Variants in MMP17 observed in about 807,000 individuals in gnomAD.
MMP17 encodes the protein matrix metallopeptidase 17.
MMP17 carries 54 observed loss-of-function variants against 49.1 expected under a neutral mutation model. That is an observed-to-expected ratio of 1.10 (90% CI 0.88 to 1.38). The LOEUF is 1.38. MMP17 is among the 40% of genes most tolerant of loss of function. The pLI, the probability that MMP17 is intolerant of heterozygous loss-of-function variation, is 0.00. For missense variants in MMP17, 837 were observed against 853.7 expected, an observed-to-expected ratio of 0.98 and a Z score of 0.24; for synonymous variants, 397 against 383.1, an observed-to-expected ratio of 1.04 and a Z score of -0.42.
chr12:131,843,943 G>A, intron 5 of MMP17, 54 bp from the exon 6 acceptor site: 5 of 1,313,916 alleles, frequency 3.8e-6, no homozygotes, highest in East Asian at 5.2e-5. Context: ...GGTGGGATGT[G>A]GGGGGAGGCG....
At chr12:131,841,548 T>C in intron 4 of MMP17, 76 bp from the exon 5 acceptor site, 1 of 1,482,476 alleles carries the variant, frequency 6.7e-7, no homozygotes, top group South Asian at 1.2e-5. Context: ...CAGAGCATGG[T>C]GGGGGCCTGC....
In MMP17 at chr12:131,850,016, G is replaced by A; in HGVS notation, c.1419G>A (p.Arg473=). ...PGYPAQSPLW[R]GVPSTLDDAM... ...ACCCCGCCCAGAGCCCCCTGTGGAG[G>A]GGTGTCCCCAGCACGCTGGACGACG... The change falls in exon 9 of 10, where the codon AGG becomes AGA. Residue 473 remains arginine (R), a synonymous_variant. Coordinates refer to ENST00000360564, the MANE Select transcript of MMP17 (RefSeq NM_016155.7). 1 of 1,613,432 alleles carries A rather than the reference G, an allele frequency of 6.2e-7. No individual in the cohort carries two copies. The highest frequency in any genetic ancestry group is 8.5e-7 in the Non-Finnish European group (1 of 1,179,874).
chr12:131,829,659 C>T (rs1262247813), intron 1 of MMP17, among the ~76,000 whole-genome samples: 4 of 152,244 alleles, frequency 2.6e-5, no homozygotes. Flanking sequence ...CCTCGCCCAG[C>T]GCAGTGGACA....
In MMP17 at chr12:131,851,361, G is replaced by C. The variant is rs1188894827; in HGVS notation, c.*87G>C. On this transcript the variant is annotated 3_prime_UTR_variant, in exon 10 of 10. Coordinates refer to ENST00000360564, the MANE Select transcript of MMP17 (RefSeq NM_016155.7). ...GACTGTGCCGGAGTCCCTGGGGGAGGTGCTGGCGCGGGATGAGGACGGGCC... is the reference window on the plus strand; with the variant it reads ...GACTGTGCCGGAGTCCCTGGGGGAGCTGCTGGCGCGGGATGAGGACGGGCC... The C allele has an allele frequency of 7.4e-6, 9 of 1,213,400 alleles. No homozygotes were observed. The highest frequency in any genetic ancestry group is 9.5e-6 in the Non-Finnish European group (9 of 946,376). The allele number at this position is 1,213,400 out of a possible 1,614,324, so 75.2% of individuals were successfully genotyped here. A position where few individuals can be genotyped will look rare whatever the true frequency, so the allele number is the denominator to read the frequency against.
chr12:131,841,058 G>A lies in MMP17; in HGVS notation c.706+202G>A, dbSNP rs558078143. On this transcript the variant is annotated intron_variant, in intron 4 of 9. Transcript: ENST00000360564. ...TGACCTCGCTGGGTGCTGGCCTGTC[G>A]GGCAGGGACACCGCTGGCTGAGCCG... is the stretch of plus-strand genomic sequence containing the variant. 1.1e-4 allele frequency among the ~76,000 whole-genome samples: 17 copies of A among 152,356 alleles called. No individual in the cohort carries two copies. In the East Asian group the frequency reaches 2.3e-3, roughly 21 times the overall value.
At chr12:131,840,451 C>T (rs1474598849) in intron 3 of MMP17, 122 bp from the exon 4 acceptor site, 11 of 1,031,292 alleles carry the variant, frequency 1.1e-5, no homozygotes, top group South Asian at 3.2e-5. Context: ...GGGAGGAAGG[C>T]GGAAGATGGG....
At chr12:131,845,616 T>C (rs1307080325) in intron 8 of MMP17, among the ~76,000 whole-genome samples, 167 bp downstream of exon 8, 2 of 152,192 alleles carry the variant, frequency 1.3e-5, no homozygotes, top group Non-Finnish European at 1.5e-5. Context: ...TCTGAGCACC[T>C]ACTGTATGCC....
intron 9 of MMP17, 35 bp downstream of exon 9, chr12:131,850,094 T>C (rs1351370277): frequency 6.4e-7 from 1 of 1,568,338 alleles, no homozygotes; most frequent in African/African-American, 1.4e-5. Flanking sequence ...CCATGCGGCC[T>C]TGGTTTCCCC....
In MMP17 at chr12:131,851,119, C is replaced by T. The variant is rs201041842; in HGVS notation, c.1657C>T (p.Arg553Cys). ...CCCTCCAGGACAACATGACCAGAGCCGCTCGGAGGACGGTTACGAGGTCTG... is the reference window on the plus strand; with the variant it reads ...CCCTCCAGGACAACATGACCAGAGCTGCTCGGAGGACGGTTACGAGGTCTG... Reference protein sequence around the residue: ...RAPPGQHDQSRSEDGYEVCSC... With the variant: ...RAPPGQHDQSCSEDGYEVCSC... The change falls in exon 10 of 10, where the codon CGC (arginine) becomes TGC (cysteine). Residue 553 changes from arginine (R) to cysteine (C), a missense_variant. Transcript: ENST00000360564. The T allele has an allele frequency of 9.4e-4, 1,497 of 1,590,478 alleles. 1 individual carries two copies. The highest frequency in any genetic ancestry group is 1.2e-3 in the Non-Finnish European group (1,408 of 1,169,242).
chr12:131,848,561 G>A (rs1034671410), intron 8 of MMP17, among the ~76,000 whole-genome samples: 4 of 152,324 alleles, frequency 2.6e-5, no homozygotes, highest in Non-Finnish European at 4.4e-5. Context: ...CGTGAAACAC[G>A]GATGCCCCGC....
rs766543538 is a variant in MMP17, at chr12:131,840,744, C to A, written c.594C>A (p.Tyr198Ter). The A allele has an allele frequency of 1.9e-6, 3 of 1,604,424 alleles. No homozygotes were observed. Among genetic ancestry groups the A allele is most frequent in the South Asian group, 1.1e-5 (1 of 91,088 alleles). The change falls in exon 4 of 10, where the codon TAC becomes TAA. Residue 198 changes from tyrosine (Y) to a stop codon, truncating the protein, a stop_gained. Coordinates refer to ENST00000360564, the MANE Select transcript of MMP17 (RefSeq NM_016155.7). LOFTEE classifies it high-confidence loss of function. Reference protein sequence around the residue: ...DFSKADHNDGYPFDGPGGTVA... With the variant: ...DFSKADHNDG Reference sequence around the variant, plus strand: ...CCAAGGCCGACCATAACGACGGCTACCCCTTCGACGGCCCCGGCGGCACCG... The same window carrying A: ...CCAAGGCCGACCATAACGACGGCTAACCCTTCGACGGCCCCGGCGGCACCG...
At chr12:131,836,601 T>C (rs1277344434) in intron 1 of MMP17, among the ~76,000 whole-genome samples, 1 of 151,856 alleles carries the variant, frequency 6.6e-6, no homozygotes, top group African/African-American at 2.4e-5. Flanking sequence ...ATGGGCACTT[T>C]CATATGATTT....
rs1047957612 is a variant in MMP17, at chr12:131,840,480, A to G, written c.423-93A>G. ...AGATGGGGGAGACCCTCATAGGGGC[A>G]CCCCCGGGCTGAGGAGGGGCGTTCA... On this transcript the variant is annotated intron_variant, in intron 3 of 9. Coordinates refer to ENST00000360564, the MANE Select transcript of MMP17 (RefSeq NM_016155.7). The G allele has an allele frequency of 3.7e-6, 5 of 1,367,442 alleles. 1 individual carries two copies. The highest frequency in any genetic ancestry group is 4.9e-6 in the Non-Finnish European group (5 of 1,010,378). The allele number at this position is 1,367,442 out of a possible 1,614,324, so 84.7% of individuals were successfully genotyped here.
intron 1 of MMP17, among the ~76,000 whole-genome samples, chr12:131,836,468 T>C (rs1231273859): frequency 1.5e-5 from 2 of 133,570 alleles, no homozygotes; most frequent in Non-Finnish European, 3.4e-5. Context: ...TTTTCTTTTT[T>C]CTTTTTCCTT....
At chr12:131,849,303 G>A (rs1371325676) in intron 8 of MMP17, among the ~76,000 whole-genome samples, 3 of 152,146 alleles carry the variant, frequency 2.0e-5, no homozygotes, top group Non-Finnish European at 4.4e-5. Context: ...GGCCAACATG[G>A]TGAAACCCCG....
chr12:131,844,004 G>T lies in MMP17; in HGVS notation c.891G>T (p.Arg297=). The change falls in exon 6 of 10, where the codon CGG becomes CGT. Residue 297 remains arginine (R), a synonymous_variant. Transcript: ENST00000360564. ...KVRVWQLYGV[R]ESVSPTAQPE... is the part of the protein sequence containing the mutation. ...CCTCCTTGTCTCCCGCAGGTGTGCGGGAGTCTGTGTCTCCCACGGCGCAGC... is the reference window on the plus strand; with the variant it reads ...CCTCCTTGTCTCCCGCAGGTGTGCGTGAGTCTGTGTCTCCCACGGCGCAGC... The T allele has an allele frequency of 1.3e-6, 2 of 1,560,294 alleles. No individual in the cohort carries two copies. The highest frequency in any genetic ancestry group is 8.7e-7 in the Non-Finnish European group (1 of 1,154,068).
chr12:131,851,693 A>C lies in MMP17; in HGVS notation c.*419A>C. On this transcript the variant is annotated 3_prime_UTR_variant, in exon 10 of 10. Transcript: ENST00000360564. ...GGTCCCCAGTGGGGCAGCCCTCCCC[A>C]CAGACGAGCCCCCCACATGGTGCCG... The C allele has an allele frequency of 5.8e-6, 1 of 172,052 alleles. No homozygotes were observed. Among genetic ancestry groups the C allele is most frequent in the Non-Finnish European group, 1.2e-5 (1 of 81,850 alleles). The allele number at this position is 172,052 out of a possible 1,614,324, so 10.7% of individuals were successfully genotyped here.
intron 5 of MMP17, among the ~76,000 whole-genome samples, chr12:131,843,121 G>A (rs1303088191): frequency 2.6e-5 from 4 of 151,436 alleles, no homozygotes; most frequent in Non-Finnish European, 4.4e-5. Flanking sequence ...CCGCCACCAC[G>A]CCCGGCTAAT....
Position 131,851,307 on chromosome 12 carries a change from G to A in MMP17, c.*33G>A, listed in dbSNP as rs571678418. On this transcript the variant is annotated 3_prime_UTR_variant, in exon 10 of 10. Coordinates refer to ENST00000360564, the MANE Select transcript of MMP17 (RefSeq NM_016155.7). Reference sequence around the variant, plus strand: ...CGCGAGCCCATGAGAGGACAGAGGCGGTGGGACAGCCTGGCCACAGAGGGC... The same window carrying A: ...CGCGAGCCCATGAGAGGACAGAGGCAGTGGGACAGCCTGGCCACAGAGGGC... The A allele has an allele frequency of 2.0e-5, 27 of 1,353,820 alleles. No homozygotes were observed. In the African/African-American group the frequency reaches 2.1e-4, roughly 11 times the overall value. The allele number at this position is 1,353,820 out of a possible 1,614,324, so 83.9% of individuals were successfully genotyped here. A position where few individuals can be genotyped will look rare whatever the true frequency, so the allele number is the denominator to read the frequency against.
Sources: allele counts gnomAD v4.1 joint callset (sites outside exome capture counted in the v4.1 genomes callset), GRCh38; gene constraint gnomAD v4.1.1; transcripts MANE v1.5; gene names NCBI Gene and HGNC (gene_info 2026-07-23, HGNC 2026-07-21).